Variants in STAM observed in about 807,000 individuals in gnomAD.
The protein encoded by STAM is signal transducing adapter molecule 1.
A neutral mutation model predicts 63.4 loss-of-function variants in STAM; 16 were observed. That is an observed-to-expected ratio of 0.25 (90% CI 0.17 to 0.38). The LOEUF (loss-of-function observed/expected upper bound fraction) is 0.38, where lower values mean the gene tolerates loss of function less well. STAM is among the 10% of genes least tolerant of loss of function. The pLI is 1.00. For missense variants in STAM, 636 were observed against 657.1 expected (o/e 0.97, Z 0.35); for synonymous variants, 238 against 223.9 (o/e 1.06, Z -0.56).
chr10:17,685,590 T>A (rs1037494478), intron 4 of STAM, among the ~76,000 whole-genome samples: 1 of 152,214 alleles, frequency 6.6e-6, no homozygotes, highest in Non-Finnish European at 1.5e-5. Flanking sequence ...GGGTTGGGGC[T>A]GGTTTCTGTG....
chr10:17,687,304 G>A (rs782078162), intron 4 of STAM, among the ~76,000 whole-genome samples: 1 of 152,006 alleles, frequency 6.6e-6, no homozygotes. Flanking sequence ...GTAAAACCCC[G>A]CGTCTGCTAA....
intron 2 of STAM, among the ~76,000 whole-genome samples, chr10:17,669,240 G>C (rs180954242): frequency 6.6e-6 from 1 of 151,708 alleles, no homozygotes; most frequent in East Asian, 1.9e-4. Flanking sequence ...ATTTGCATAT[G>C]TATTTAAGTC....
chr10:17,704,915 T>C lies in STAM; in HGVS notation c.1001-55T>C, dbSNP rs530046398. 1.5e-5 allele frequency: 21 copies of C among 1,394,478 alleles called. No homozygotes were observed. The Admixed American group carries it at 1.6e-4, about 10-fold the overall frequency. 86.4% of individuals were successfully genotyped at this position (1,394,478 alleles called of 1,614,324 possible). ...AAATTATACAAATATCTATCAAAGG[T>C]TCACATTTTTTTTTCTTGTACTTTC... On this transcript the variant is annotated intron_variant, in intron 10 of 13. Transcript: ENST00000377524.
At chr10:17,698,332 C>T (rs1265598759) in intron 8 of STAM, among the ~76,000 whole-genome samples, 8 of 151,390 alleles carry the variant, frequency 5.3e-5, no homozygotes, top group African/African-American at 1.9e-4. Flanking sequence ...TTTTTTTGTC[C>T]TGAATCAGTT....
At chr10:17,659,017 A>T (rs1337434824) in intron 1 of STAM, among the ~76,000 whole-genome samples, 1 of 150,714 alleles carries the variant, frequency 6.6e-6, no homozygotes, top group East Asian at 1.9e-4. Flanking sequence ...CCCATTTTCT[A>T]TTTCACTCTT....
intron 2 of STAM, among the ~76,000 whole-genome samples, chr10:17,680,360 C>T (rs1016357052): frequency 1.3e-5 from 2 of 151,862 alleles, no homozygotes; most frequent in East Asian, 1.9e-4. Flanking sequence ...CCATTCGCTG[C>T]TCCCCAGGCC....
At chr10:17,704,836 CTAAGGT>C (rs1160848934) in intron 10 of STAM, 128 bp from the exon 11 acceptor site, 173 of 757,312 alleles carry the variant, frequency 2.3e-4, no homozygotes, top group Middle Eastern at 1.2e-3. Flanking sequence ...GTTCTGTAGA[CTAAGGT>C]TAAAGAATGT....
intron 2 of STAM, among the ~76,000 whole-genome samples, chr10:17,683,367 G>T (rs723791): frequency 0.12 from 18,586 of 151,978 alleles, 1,235 homozygotes; most frequent in Middle Eastern, 0.26. Flanking sequence ...TCACAGTGTT[G>T]CCCAGGCTGG....
intron 2 of STAM, 78 bp from the exon 3 acceptor site, chr10:17,684,597 C>G (rs931895831): frequency 4.4e-6 from 5 of 1,126,932 alleles, no homozygotes; most frequent in South Asian, 1.6e-5. Flanking sequence ...TTATCGTAGT[C>G]TTTTGTCTAT....
In STAM at chr10:17,684,579, C is replaced by A. The variant is rs1835217875; in HGVS notation, c.126-96C>A. On this transcript the variant is annotated intron_variant, in intron 2 of 13. Coordinates refer to ENST00000377524, the MANE Select transcript of STAM (RefSeq NM_003473.4). Reference sequence around the variant, plus strand: ...TTAAATTTCCCTACTTTATCATAGTCTCCCTTTTTATCGTAGTCTTTTGTC... The same window carrying A: ...TTAAATTTCCCTACTTTATCATAGTATCCCTTTTTATCGTAGTCTTTTGTC... 3.5e-6 allele frequency: 3 copies of A among 862,102 alleles called. No individual in the cohort carries two copies. The African/African-American group carries it at 5.2e-5, about 15-fold the overall frequency. 53.4% of individuals were successfully genotyped at this position (862,102 alleles called of 1,614,324 possible). A position where few individuals can be genotyped will look rare whatever the true frequency, so the allele number is the denominator to read the frequency against.
Position 17,700,450 on chromosome 10 carries a change from C to T in STAM, c.912+171C>T, listed in dbSNP as rs535150084. On this transcript the variant is annotated intron_variant, in intron 9 of 13. Coordinates refer to ENST00000377524, the MANE Select transcript of STAM (RefSeq NM_003473.4). ...AGACTGTTTTTTGAAACTTCCTCTC[C>T]AGTCCTTTGTTTGCCGTGCCAGAGC... Among the ~76,000 whole-genome samples the T allele has an allele frequency of 1.6e-3, 241 of 152,198 alleles. 1 individual carries two copies. The highest frequency in any genetic ancestry group is 5.5e-3 in the African/African-American group (230 of 41,524).
chr10:17,644,235 GTC>G lies in STAM; in HGVS notation c.-101_-100del. The G allele has an allele frequency of 8.0e-7, 1 of 1,253,568 alleles. No individual in the cohort carries two copies. The highest frequency in any genetic ancestry group is 1.2e-6 in the Non-Finnish European group (1 of 864,112). 77.7% of individuals were successfully genotyped at this position (1,253,568 alleles called of 1,614,324 possible). On this transcript the variant is annotated 5_prime_UTR_variant, in exon 1 of 14. Coordinates refer to ENST00000377524, the MANE Select transcript of STAM (RefSeq NM_003473.4). ...AGCTGTCGCGGACCCTGTAGAGTCG[GTC>G]TCTGTTGCTCTTTTTGCCTGAGGAG...
At chr10:17,713,116 C>T (rs890420189) in intron 13 of STAM, among the ~76,000 whole-genome samples, 2 of 152,320 alleles carry the variant, frequency 1.3e-5, no homozygotes, top group South Asian at 4.1e-4. Context: ...CTCCTCTTTT[C>T]TGAAATGCTT....
chr10:17,691,746 G>A (rs1017600411), intron 5 of STAM, among the ~76,000 whole-genome samples: 12 of 152,246 alleles, frequency 7.9e-5, no homozygotes, highest in African/African-American at 2.6e-4. Flanking sequence ...TGAGATTATT[G>A]CCTGTTACAA....
chr10:17,665,249 G>T (rs1399071914), intron 2 of STAM, among the ~76,000 whole-genome samples: 3 of 151,826 alleles, frequency 2.0e-5, no homozygotes, highest in African/African-American at 7.3e-5. Flanking sequence ...ATATACATAT[G>T]CATATGCATA....
chr10:17,716,546 CAATTT>C lies in STAM; in HGVS notation c.*1767_*1771del, dbSNP rs1407357983. Among the ~76,000 whole-genome samples, 6 of 152,012 alleles carry C rather than the reference CAATTT, an allele frequency of 3.9e-5. No homozygotes were observed. The East Asian group carries it at 1.2e-3, about 29-fold the overall frequency. The stretch of plus-strand genomic sequence containing the variant: ...TGTCGGATTATAATCTTTTCCACTC[CAATTT>C]GAGTATTATGGTTTAACTGATATAC... On this transcript the variant is annotated 3_prime_UTR_variant, in exon 14 of 14. Coordinates refer to ENST00000377524, the MANE Select transcript of STAM (RefSeq NM_003473.4).
rs1211290856 is a variant in STAM, at chr10:17,644,329, A to T, written c.-11A>T. The T allele has an allele frequency of 2.5e-6, 4 of 1,614,142 alleles. No homozygotes were observed. In the Middle Eastern group the frequency reaches 4.9e-4, roughly 200 times the overall value. On this transcript the variant is annotated 5_prime_UTR_variant, in exon 1 of 14. Coordinates refer to ENST00000377524, the MANE Select transcript of STAM (RefSeq NM_003473.4). ...AGGGAGTCCCCGGGGACACCTCGGC[A>T]CGCAGCGGAGATGCCTCTTTTTGCC... is the stretch of plus-strand genomic sequence containing the variant.
chr10:17,696,740 T>C (rs781909923), intron 7 of STAM, 35 bp from the exon 8 acceptor site: 1 of 1,420,544 alleles, frequency 7.0e-7, no homozygotes, highest in Non-Finnish European at 9.9e-7. Flanking sequence ...TAAATACATT[T>C]GTTATGGTAA....
intron 9 of STAM, among the ~76,000 whole-genome samples, chr10:17,702,999 A>G (rs1462735757): frequency 3.9e-5 from 5 of 126,946 alleles, no homozygotes; most frequent in Non-Finnish European, 8.2e-5. Context: ...ACAGAGTAAG[A>G]CTCCATCTCA....
Sources: gnomAD v4.1 joint callset for allele counts (sites outside exome capture counted in the v4.1 genomes callset) on GRCh38, gnomAD v4.1.1 for gene constraint, MANE v1.5 for transcripts, NCBI Gene and HGNC (gene_info 2026-07-23, HGNC 2026-07-21) for gene names.